Variants in LAMA4 observed in about 807,000 individuals in gnomAD.
The protein encoded by LAMA4 is laminin subunit alpha 4.
LAMA4 carries 127 observed loss-of-function variants against 207.1 expected under a neutral mutation model. The ratio of observed to expected loss-of-function variants is 0.61; its 90% confidence interval spans 0.53 to 0.71. The LOEUF (loss-of-function observed/expected upper bound fraction) is 0.71, where lower values mean the gene tolerates loss of function less well. LAMA4 is among the 30% of genes least tolerant of loss of function. LAMA4 has a pLI of 0.00. For missense variants in LAMA4, 2,093 were observed against 2,246.5 expected, an observed-to-expected ratio of 0.93 and a Z score of 1.38; for synonymous variants, 761 against 816.0, an observed-to-expected ratio of 0.93 and a Z score of 1.15.
At chr6:112,191,554 A>T in intron 6 of LAMA4, 82 bp downstream of exon 6, 1 of 1,048,640 alleles carries the variant, frequency 9.5e-7, no homozygotes. Context: ...ATACTTCCCC[A>T]AGAGAAATTC....
At chr6:112,177,767 T>C (rs1782110851) in intron 10 of LAMA4, among the ~76,000 whole-genome samples, 1 of 152,226 alleles carries the variant, frequency 6.6e-6, no homozygotes. Context: ...AAAAGCAATG[T>C]TTTCTCTGCA....
chr6:112,163,500 C>A (rs375308213), intron 13 of LAMA4, among the ~76,000 whole-genome samples: 1 of 152,118 alleles, frequency 6.6e-6, no homozygotes, highest in South Asian at 2.1e-4. Context: ...ACCAGAGCAG[C>A]CAGGACAAGG....
chr6:112,192,637 G>A (rs1783184797), intron 5 of LAMA4, among the ~76,000 whole-genome samples: 1 of 152,244 alleles, frequency 6.6e-6, no homozygotes. Context: ...GGCTGGCTGG[G>A]CCTTTGATGA....
intron 16 of LAMA4, among the ~76,000 whole-genome samples, chr6:112,153,475 G>C (rs1479985289): frequency 6.6e-6 from 1 of 152,094 alleles, no homozygotes; most frequent in African/African-American, 2.4e-5. Flanking sequence ...AGATTTATCA[G>C]ACATAAAATA....
intron 2 of LAMA4, among the ~76,000 whole-genome samples, chr6:112,230,334 T>C (rs1785472158): frequency 2.0e-5 from 3 of 152,208 alleles, no homozygotes; most frequent in South Asian, 4.1e-4. Context: ...GCAGTGGATG[T>C]AATTTCCTAT....
chr6:112,237,025 C>G (rs1398731095), intron 2 of LAMA4: 2 of 152,166 alleles, frequency 1.3e-5, no homozygotes, highest in African/African-American at 4.8e-5. Flanking sequence ...CTATGAAGAT[C>G]AAATGATAGT....
chr6:112,169,102 A>G (rs951978483), intron 12 of LAMA4, among the ~76,000 whole-genome samples: 1 of 152,200 alleles, frequency 6.6e-6, no homozygotes, highest in African/African-American at 2.4e-5. Context: ...CATTGAAGGC[A>G]TTTGATGAAG....
intron 3 of LAMA4, among the ~76,000 whole-genome samples, chr6:112,208,049 C>G (rs1784163578): frequency 6.6e-6 from 1 of 152,324 alleles, no homozygotes; most frequent in Middle Eastern, 3.4e-3. Flanking sequence ...AACACACAAA[C>G]AGCTTTCTTC....
At chr6:112,253,627 G>A in intron 2 of LAMA4, 1 of 977,608 alleles carries the variant, frequency 1.0e-6, no homozygotes, top group South Asian at 1.4e-5. Context: ...TTGACAAAAT[G>A]ACTACTGGGA....
In LAMA4 at chr6:112,117,669, G is replaced by A; in HGVS notation, c.4981+70C>T. The stretch of plus-strand genomic sequence containing the variant: ...ATTCTTAAGTTTTAACTCTGGGCCT[G>A]ATATTCCCTGTTAGCCATCTCCAGG... On this transcript the variant is annotated intron_variant, in intron 35 of 38. Coordinates refer to ENST00000230538, the MANE Select transcript of LAMA4 (RefSeq NM_001105206.3). This position sits in a 1 kb window ranked among gnomAD's most constrained non-coding sequence, Gnocchi z 4.5. 6.8e-7 allele frequency: 1 copy of A among 1,470,064 alleles called. No individual in the cohort carries two copies. Among genetic ancestry groups the A allele is most frequent in the Non-Finnish European group, 9.5e-7 (1 of 1,052,426 alleles). 91.1% of individuals were successfully genotyped at this position (1,470,064 alleles called of 1,614,324 possible).
chr6:112,130,206 G>C, intron 29 of LAMA4, 166 bp from the exon 30 acceptor site: 1 of 624,364 alleles, frequency 1.6e-6, no homozygotes, highest in Non-Finnish European at 2.8e-6. Context: ...AAAATGGTTG[G>C]ATATTTCTAT....
chr6:112,243,789 G>T (rs185952671), intron 2 of LAMA4, among the ~76,000 whole-genome samples: 4 of 152,298 alleles, frequency 2.6e-5, no homozygotes, highest in Non-Finnish European at 4.4e-5. Context: ...TGGGCATGGT[G>T]GCTCATGCAT....
chr6:112,249,441 CAAAAAAAAA>C (rs71762704), intron 2 of LAMA4, among the ~76,000 whole-genome samples: 67 of 52,762 alleles, frequency 1.3e-3, no homozygotes, highest in African/African-American at 4.1e-3. Context: ...GACTCTGTTT[CAAAAAAAAA>C]AAAAAAAAAA....
chr6:112,114,703 G>T lies in LAMA4; in HGVS notation c.5166C>A (p.Pro1722=), dbSNP rs782496324. ...GIRDFSTSVT[P]KQSLCDGRWH... ...ATCTGCCATCACAGAGACTCTGCTT[G>T]GGTGTAACTGAGGTGGAAAAATCTC... Residue 1722 remains proline, a synonymous_variant, in exon 37 of 39, where the codon CCC becomes CCA. Transcript: ENST00000230538. 6.2e-7 allele frequency: 1 copy of T among 1,613,170 alleles called. No homozygotes were observed. The highest frequency in any genetic ancestry group is 1.7e-5 in the Admixed American group (1 of 59,960).
chr6:112,121,893 T>A (rs1244819380), intron 32 of LAMA4, 121 bp downstream of exon 32: 1 of 832,114 alleles, frequency 1.2e-6, no homozygotes, highest in African/African-American at 1.7e-5. Flanking sequence ...ATTTTGGTGA[T>A]AACATAATAG....
intron 9 of LAMA4, chr6:112,180,051 C>G (rs1235929847): frequency 2.6e-6 from 1 of 390,942 alleles, no homozygotes; most frequent in Admixed American, 3.6e-5. Flanking sequence ...AATACGGACA[C>G]AAGCATTTAA....
intron 2 of LAMA4, among the ~76,000 whole-genome samples, chr6:112,216,914 A>G (rs1292922829): frequency 1.3e-5 from 2 of 152,212 alleles, no homozygotes; most frequent in Non-Finnish European, 2.9e-5. Context: ...GCTATAGGAG[A>G]GCAACTTAGC....
At chr6:112,216,096 C>T (rs1368122956) in intron 3 of LAMA4, among the ~76,000 whole-genome samples, 2 of 152,286 alleles carry the variant, frequency 1.3e-5, no homozygotes, top group South Asian at 2.1e-4. Context: ...TCAATCCCAC[C>T]GCCATTGGTC....
chr6:112,145,572 C>T (rs1779974991), intron 18 of LAMA4, among the ~76,000 whole-genome samples: 1 of 152,198 alleles, frequency 6.6e-6, no homozygotes, highest in African/African-American at 2.4e-5. Flanking sequence ...TGTGAGAGAG[C>T]TTCTGATGAG....
Sources: allele counts gnomAD v4.1 joint callset (sites outside exome capture counted in the v4.1 genomes callset), GRCh38; gene constraint gnomAD v4.1.1; non-coding constraint Gnocchi (gnomAD v3.1); transcripts MANE v1.5; gene names NCBI Gene and HGNC (gene_info 2026-07-23, HGNC 2026-07-21).